The following GLYATL1 variants were observed in gnomAD, a reference collection of about 807,000 sequenced individuals.
GLYATL1 encodes glycine N-acyltransferase-like protein 1.
A neutral mutation model predicts 20.0 loss-of-function variants in GLYATL1; 15 were observed. That is an observed-to-expected ratio of 0.75 (90% CI 0.50 to 1.15). The LOEUF is 1.15. Ranked by LOEUF, GLYATL1 falls within the 50% of genes most tolerant of loss-of-function variation. The pLI is 0.00. For synonymous variants in GLYATL1, 151 were observed against 131.5 expected (o/e 1.15, Z -1.01); for missense variants, 380 against 368.5 (o/e 1.03, Z -0.26).
chr11:58,905,713 G>A (rs1031702085), intron 1 of GLYATL1: 2 of 424,304 alleles, frequency 4.7e-6, no homozygotes, highest in Non-Finnish European at 9.5e-6. Context: ...GGATCGCTGG[G>A]ACCGGGATGG....
upstream of GLYATL1, among the ~76,000 whole-genome samples, chr11:58,926,724 G>T (rs1427123565): frequency 1.3e-5 from 2 of 152,218 alleles, 1 homozygote; most frequent in East Asian, 3.8e-4. Context: ...TAATCATTAA[G>T]ATGGCAAGCT....
At chr11:58,937,362 C>A (rs1590786212), upstream of GLYATL1, among the ~76,000 whole-genome samples, 1 of 152,192 alleles carries the variant, frequency 6.6e-6, no homozygotes, top group Non-Finnish European at 1.5e-5. Context: ...GCTGGGGAAC[C>A]ACAGGTCCCA....
At chr11:58,924,033 T>C (rs1253557358), upstream of GLYATL1, among the ~76,000 whole-genome samples, 1 of 152,160 alleles carries the variant, frequency 6.6e-6, no homozygotes, top group Non-Finnish European at 1.5e-5. Context: ...AAACGACCTA[T>C]GAATAACTCG....
intron 1 of GLYATL1, among the ~76,000 whole-genome samples, chr11:58,930,713 C>T (rs1454934442): frequency 1.3e-5 from 2 of 151,890 alleles, no homozygotes; most frequent in African/African-American, 4.8e-5. Context: ...TTGTTGAAGA[C>T]ACAAAAATGT....
At chr11:58,908,595 T>C (rs1854966610) in exon 2 of GLYATL1, 1 of 168,246 alleles carries the variant, frequency 5.9e-6, no homozygotes, top group Non-Finnish European at 1.3e-5. Flanking sequence ...AGTCTAACCG[T>C]GGTGCCAATT....
chr11:58,954,161 C>A (rs979108199), intron 4 of GLYATL1, among the ~76,000 whole-genome samples: 1 of 152,182 alleles, frequency 6.6e-6, no homozygotes, highest in Non-Finnish European at 1.5e-5. Context: ...ACCGTAGATT[C>A]TAGGACACTA....
upstream of GLYATL1, among the ~76,000 whole-genome samples, chr11:58,926,676 T>C (rs1186617879): frequency 2.6e-5 from 4 of 151,148 alleles, no homozygotes; most frequent in Non-Finnish European, 5.9e-5. Flanking sequence ...TAAAGGAATT[T>C]TGATGATATC....
At position 58,947,888 on chromosome 11, in the gene GLYATL1, GGGAACCCCTTCAACAT is replaced by G; in HGVS notation, c.113_128del (p.Asn38ArgfsTer22). 2 of 1,613,546 alleles carry G rather than the reference GGGAACCCCTTCAACAT, an allele frequency of 1.2e-6. No individual in the cohort carries two copies. ...TGGCTCTGTGTATCACATCAATCAC[GGGAACCCCTTCAACAT>G]GGAGGTGCTGGTGGATTCCTGGCCT... On this transcript the variant is annotated frameshift_variant, in exon 4 of 7. Coordinates refer to ENST00000532726, the MANE Select transcript of GLYATL1 (RefSeq NM_001389712.2). LOFTEE classifies it high-confidence loss of function.
At chr11:58,909,999 T>C (rs1893628), downstream of GLYATL1, among the ~76,000 whole-genome samples, 29,816 of 152,112 alleles carry the variant, frequency 0.2, 3,562 homozygotes, top group African/African-American at 0.32. Flanking sequence ...AGATGTTTTA[T>C]TCTCCCAATA....
In GLYATL1 at chr11:58,954,810, G is replaced by A. The variant is rs757875991; in HGVS notation, c.227G>A (p.Arg76His). 1.2e-5 allele frequency: 19 copies of A among 1,612,244 alleles called. No homozygotes were observed. The highest frequency in any genetic ancestry group is 3.3e-5 in the Admixed American group (2 of 59,830). The change falls in exon 5 of 7, where the codon CGT becomes CAT. Residue 76 changes from arginine to histidine, a missense_variant. Coordinates refer to ENST00000532726, the MANE Select transcript of GLYATL1 (RefSeq NM_001389712.2). ...DDMDSYTNVY[R>H]MFSKEPQKSE... ...ATGGATTCATACACAAACGTATATC[G>A]TATGTTCTCCAAAGAGCCTCAAAAA... is the stretch of plus-strand genomic sequence containing the variant.
chr11:58,929,317 G>C (rs554259948), intron 1 of GLYATL1, among the ~76,000 whole-genome samples: 2 of 152,242 alleles, frequency 1.3e-5, no homozygotes, highest in Non-Finnish European at 2.9e-5. Flanking sequence ...ATTAGAAATA[G>C]ATATCAGCTT....
intron 2 of GLYATL1, chr11:58,946,818 A>T: frequency 1.7e-6 from 1 of 576,342 alleles, no homozygotes. Context: ...CAAGGGAGGA[A>T]GGGCATGGGT....
At chr11:58,915,244 A>G (rs189178093) in intron 1 of GLYATL1, among the ~76,000 whole-genome samples, 10 of 152,320 alleles carry the variant, frequency 6.6e-5, no homozygotes, top group Middle Eastern at 3.4e-3. Flanking sequence ...TACCCAATTC[A>G]GTAATTTATT....
chr11:58,948,145 T>C (rs1043066674), intron 4 of GLYATL1, among the ~76,000 whole-genome samples, 180 bp downstream of exon 4: 4 of 152,026 alleles, frequency 2.6e-5, no homozygotes, highest in East Asian at 1.9e-4. Flanking sequence ...GTGTAAAGCA[T>C]AGGACCCTTC....
rs1857385451 is a variant in GLYATL1, at chr11:58,955,907, C to T, written c.789C>T (p.Tyr263=). The T allele has an allele frequency of 6.2e-7, 1 of 1,614,222 alleles. No homozygotes were observed. The stretch of plus-strand genomic sequence containing the variant: ...TGCGTCAGAAGAATATTCCATTTTA[C>T]ATCTCTGTGTTGGAAGAAAATGAAG... The part of the protein sequence containing the change: ...KYLRQKNIPF[Y]ISVLEENEDS... The change falls in exon 7 of 7, where the codon TAC becomes TAT. Residue 263 remains tyrosine, a synonymous_variant. Coordinates refer to ENST00000532726, the MANE Select transcript of GLYATL1 (RefSeq NM_001389712.2).
chr11:58,927,476 C>T (rs1855454228), upstream of GLYATL1, among the ~76,000 whole-genome samples: 1 of 152,198 alleles, frequency 6.6e-6, no homozygotes, highest in Non-Finnish European at 1.5e-5. Context: ...TGGCTCCCTC[C>T]CGCAGGCACC....
intron 4 of GLYATL1, among the ~76,000 whole-genome samples, chr11:58,949,344 G>T (rs1343115188): frequency 6.6e-6 from 1 of 152,146 alleles, no homozygotes; most frequent in Non-Finnish European, 1.5e-5. Flanking sequence ...GGAACAAAGG[G>T]GTAAAGGGGA....
downstream of GLYATL1, among the ~76,000 whole-genome samples, chr11:58,910,665 G>C (rs1210834115): frequency 1.3e-5 from 2 of 152,078 alleles, no homozygotes; most frequent in African/African-American, 2.4e-5. Context: ...AAAAATGATG[G>C]AGGCAACAAA....
At position 58,942,253 on chromosome 11, in the gene GLYATL1, C is replaced by T. The variant is rs117936675; in HGVS notation, c.-166-1290C>T. ...AAGCAAACCTGTCTGAACTTTGCTCCAGAGGGGGACATTATCTTTCTTATA... is the reference window on the plus strand; with the variant it reads ...AAGCAAACCTGTCTGAACTTTGCTCTAGAGGGGGACATTATCTTTCTTATA... On this transcript the variant is annotated intron_variant, in intron 1 of 6. Coordinates refer to ENST00000532726, the MANE Select transcript of GLYATL1 (RefSeq NM_001389712.2). 5.2e-3 allele frequency among the ~76,000 whole-genome samples: 798 copies of T among 152,298 alleles called. 6 individuals are homozygous for T. Among genetic ancestry groups the T allele is most frequent in the Non-Finnish European group, 6.8e-3 (465 of 68,012 alleles).
Sources: allele counts gnomAD v4.1 joint callset (sites outside exome capture counted in the v4.1 genomes callset), GRCh38; gene constraint gnomAD v4.1.1; transcripts MANE v1.5; gene names NCBI Gene and HGNC (gene_info 2026-07-23, HGNC 2026-07-21).